The following FAT3 variants were observed in gnomAD, a reference collection of about 807,000 sequenced individuals.
FAT3 encodes FAT atypical cadherin 3.
FAT3 carries 95 observed loss-of-function variants against 310.2 expected under a neutral mutation model. That is an observed-to-expected ratio of 0.31 (90% CI 0.26 to 0.36). The LOEUF (loss-of-function observed/expected upper bound fraction) is 0.36, where lower values mean the gene tolerates loss of function less well. Ranked by LOEUF, FAT3 falls within the 10% of genes least tolerant of loss-of-function variation. The pLI is 1.00. For missense variants in FAT3, 5,408 were observed against 5,715.6 expected (o/e 0.95, Z 1.74); for synonymous variants, 2,314 against 2,192.9 (o/e 1.06, Z -1.54).
At chr11:92,514,375 C>T (rs1195017820) in intron 2 of FAT3, among the ~76,000 whole-genome samples, 1 of 152,092 alleles carries the variant, frequency 6.6e-6, no homozygotes, top group Non-Finnish European at 1.5e-5. Context: ...CATAAAAAAT[C>T]CAAACTGTAT....
intron 1 of FAT3, among the ~76,000 whole-genome samples, chr11:92,240,309 C>CT: frequency 6.6e-6 from 1 of 151,852 alleles, no homozygotes; most frequent in Non-Finnish European, 1.5e-5. Flanking sequence ...TTTTCTTCTC[C>CT]TTTTTTAAAA....
intron 22 of FAT3, among the ~76,000 whole-genome samples, chr11:92,878,634 T>TA (rs145900689): frequency 0.019 from 402 of 20,932 alleles, 59 homozygotes; most frequent in Middle Eastern, 0.038. Context: ...TGTTATGTGT[T>TA]AAAAAAAAAA....
rs532394861 is a variant in FAT3 at position 92,700,927 on chromosome 11, T to C, written c.3669+3482T>C. On this transcript the variant is annotated intron_variant, in intron 4 of 27. Coordinates refer to ENST00000525166, the MANE Select transcript of FAT3 (RefSeq NM_001367949.2). ...TTCTTTTTTTTCCCTAAATAGACCA[T>C]AGAAGGAACATTACTTTAACTTAGT... Among the ~76,000 whole-genome samples the C allele has an allele frequency of 2.6e-5, 4 of 152,252 alleles. No individual in the cohort carries two copies. In the South Asian group the frequency reaches 8.3e-4, roughly 32 times the overall value.
chr11:92,540,640 A>G (rs1179560369), intron 3 of FAT3, among the ~76,000 whole-genome samples: 1 of 152,118 alleles, frequency 6.6e-6, no homozygotes, highest in African/African-American at 2.4e-5. Flanking sequence ...TTGTTCATAT[A>G]CCTTCAAAGT....
chr11:92,329,333 C>G (rs543815913), intron 1 of FAT3, among the ~76,000 whole-genome samples: 4 of 152,082 alleles, frequency 2.6e-5, no homozygotes, highest in African/African-American at 9.6e-5. Flanking sequence ...TCTAGGAGAG[C>G]TGGCTGTTAA....
intron 1 of FAT3, among the ~76,000 whole-genome samples, chr11:92,338,309 A>G (rs1476992515): frequency 1.3e-5 from 2 of 152,180 alleles, no homozygotes; most frequent in Non-Finnish European, 2.9e-5. Flanking sequence ...GAAGAAAACT[A>G]TCTACTTACC....
intron 1 of FAT3, among the ~76,000 whole-genome samples, chr11:92,334,186 G>A (rs548956509): frequency 2.6e-5 from 4 of 151,954 alleles, no homozygotes; most frequent in Non-Finnish European, 2.9e-5. Flanking sequence ...GATCAGCCTG[G>A]GCAACATGGC....
intron 1 of FAT3, among the ~76,000 whole-genome samples, chr11:92,298,092 G>C (rs1202381): frequency 0.63 from 96,100 of 151,862 alleles, 30,785 homozygotes; most frequent in Admixed American, 0.68. Flanking sequence ...AGCCCAGCTG[G>C]TGGAGATGGG....
intron 19 of FAT3, among the ~76,000 whole-genome samples, chr11:92,850,313 G>T (rs1161994086): frequency 3.3e-5 from 5 of 152,126 alleles, no homozygotes; most frequent in Non-Finnish European, 7.3e-5. Flanking sequence ...GCCAGGAGAG[G>T]TGTGGAGGTC....
chr11:92,854,982 G>A (rs1948931712), intron 19 of FAT3, among the ~76,000 whole-genome samples: 1 of 152,222 alleles, frequency 6.6e-6, no homozygotes, highest in Non-Finnish European at 1.5e-5. Context: ...TACTTGAAAG[G>A]TAATGCCCAA....
intron 1 of FAT3, among the ~76,000 whole-genome samples, chr11:92,228,516 G>A (rs953853977): frequency 6.6e-6 from 1 of 152,146 alleles, no homozygotes; most frequent in African/African-American, 2.4e-5. Flanking sequence ...GTCAGGTTAT[G>A]TTATCATCCC....
chr11:92,668,503 A>T (rs1008200379), intron 3 of FAT3, among the ~76,000 whole-genome samples: 3 of 152,182 alleles, frequency 2.0e-5, no homozygotes, highest in African/African-American at 7.2e-5. Context: ...TGCCATGGGG[A>T]TGGAGAAATA....
At chr11:92,481,899 A>T (rs1031746507) in intron 2 of FAT3, among the ~76,000 whole-genome samples, 1 of 152,204 alleles carries the variant, frequency 6.6e-6, no homozygotes, top group Non-Finnish European at 1.5e-5. Flanking sequence ...AAATGGATCG[A>T]TTTTTGTGAA....
At chr11:92,591,220 C>G (rs1455143640) in intron 3 of FAT3, among the ~76,000 whole-genome samples, 1 of 152,108 alleles carries the variant, frequency 6.6e-6, no homozygotes, top group Non-Finnish European at 1.5e-5. Context: ...GAAAATGTGG[C>G]TTTGGTGACC....
At chr11:92,397,817 C>A (rs189014895) in intron 2 of FAT3, among the ~76,000 whole-genome samples, 27 of 151,312 alleles carry the variant, frequency 1.8e-4, no homozygotes, top group African/African-American at 5.6e-4. Flanking sequence ...ATATCAGTGA[C>A]ACTCTATTTG....
intron 1 of FAT3, among the ~76,000 whole-genome samples, chr11:92,249,593 G>C (rs113859402): frequency 2.0e-5 from 3 of 152,018 alleles, no homozygotes; most frequent in African/African-American, 7.2e-5. Context: ...TTTTGTGTGC[G>C]TAGACTTGAG....
chr11:92,354,743 T>G lies in FAT3; in HGVS notation c.2631T>G (p.Phe877Leu). The G allele has an allele frequency of 6.2e-7, 1 of 1,613,928 alleles. No individual in the cohort carries two copies. Among genetic ancestry groups the G allele is most frequent in the East Asian group, 2.2e-5 (1 of 44,880 alleles). ...TYSVLTDTQQ[F>L]AINSSTGIVY... ...CAGTCTTGACAGATACACAGCAGTT[T>G]GCCATCAATAGCTCAACTGGAATCG... Residue 877 changes from phenylalanine to leucine, a missense_variant, in exon 2 of 28, where the codon TTT becomes TTG. Physicochemically the swap from Phe to Leu is conservative, Grantham distance 22. This residue lies in a region of FAT3 where 4,588 missense variants were observed against 4,809.8 expected (regional missense o/e 0.95). Coordinates refer to ENST00000525166, the MANE Select transcript of FAT3 (RefSeq NM_001367949.2).
In FAT3 at chr11:92,444,183, G is replaced by A. The variant is rs117952687; in HGVS notation, c.3293-80451G>A. Among the ~76,000 whole-genome samples the A allele has an allele frequency of 3.6e-3, 550 of 152,216 alleles. 3 individuals are homozygous for A. Among genetic ancestry groups the A allele is most frequent in the Non-Finnish European group, 5.9e-3 (402 of 68,010 alleles). On this transcript the variant is annotated intron_variant, in intron 2 of 27. Coordinates refer to ENST00000525166, the MANE Select transcript of FAT3 (RefSeq NM_001367949.2). ...AAACCTGGGGAGGGGTGGTGGTTGT[G>A]TTCCTTTCTCATCTGTTGTTTTCAA...
At chr11:92,668,317 A>G (rs1311588344) in intron 3 of FAT3, among the ~76,000 whole-genome samples, 3 of 152,250 alleles carry the variant, frequency 2.0e-5, no homozygotes, top group African/African-American at 7.2e-5. Context: ...AATACCTTCT[A>G]TGTATTCTGC....
Sources: allele counts gnomAD v4.1 joint callset (sites outside exome capture counted in the v4.1 genomes callset), GRCh38; gene constraint gnomAD v4.1.1; regional missense constraint gnomAD v4.1.1; transcripts MANE v1.5; gene names NCBI Gene and HGNC (gene_info 2026-07-23, HGNC 2026-07-21).